Variants in OPCML observed in about 807,000 individuals in gnomAD.
OPCML encodes opioid-binding protein/cell adhesion molecule.
OPCML carries 13 observed loss-of-function variants against 37.8 expected under a neutral mutation model. The observed-to-expected ratio is 0.34, with a 90% CI of 0.22 to 0.55. The LOEUF (loss-of-function observed/expected upper bound fraction) is 0.55, where lower values mean the gene tolerates loss of function less well. Among genes scored for constraint, OPCML ranks in the 20% least tolerant of loss-of-function variants. The probability of loss-of-function intolerance (pLI) is 0.91; values close to 1 mark genes in which losing one functional copy is unlikely to be tolerated. For synonymous variants in OPCML, 176 were observed against 168.8 expected (o/e 1.04, Z -0.33); for missense variants, 341 against 435.6 (o/e 0.78, Z 1.93).
At chr11:133,405,114 C>T (rs1001454176) in intron 1 of OPCML, among the ~76,000 whole-genome samples, 4 of 152,206 alleles carry the variant, frequency 2.6e-5, no homozygotes, top group Admixed American at 6.5e-5. Flanking sequence ...ATTAAGGACG[C>T]TTGCTCAAGC....
chr11:132,455,762 A>AATTCATTCATTCATTCATTC (rs61139767), intron 4 of OPCML, among the ~76,000 whole-genome samples: 3 of 150,434 alleles, frequency 2.0e-5, no homozygotes, highest in East Asian at 2.0e-4. Flanking sequence ...TTCTTTGTCA[A>AATTCATTCATTCATTCATTC]ATTCATTCAT....
intron 3 of OPCML, among the ~76,000 whole-genome samples, chr11:132,558,540 C>T (rs1210979489): frequency 5.0e-5 from 6 of 119,964 alleles, no homozygotes; most frequent in East Asian, 5.4e-4. Flanking sequence ...TCTTCGTCTT[C>T]GTCTTTGTCT....
At chr11:133,530,905 C>T (rs1948592079) in intron 1 of OPCML, among the ~76,000 whole-genome samples, 1 of 152,146 alleles carries the variant, frequency 6.6e-6, no homozygotes, top group African/African-American at 2.4e-5. Context: ...TTATTAAAAA[C>T]AACACTGAAA....
chr11:133,490,997 C>G (rs997165832), intron 1 of OPCML, among the ~76,000 whole-genome samples: 7 of 152,198 alleles, frequency 4.6e-5, no homozygotes, highest in African/African-American at 1.7e-4. Context: ...CTGCTATATC[C>G]CCTGTACCTA....
At chr11:133,161,962 C>T (rs1433545478) in intron 1 of OPCML, among the ~76,000 whole-genome samples, 1 of 138,070 alleles carries the variant, frequency 7.2e-6, no homozygotes, top group African/African-American at 2.7e-5. Flanking sequence ...CAACAAGTAA[C>T]AGGTAAGAGA....
rs147020116 is a variant in OPCML at position 133,334,121 on chromosome 11, A to T, written c.61+198143T>A. The stretch of plus-strand genomic sequence containing the variant: ...GACCTAAAAGCAGAACTACCATTCA[A>T]CCCAGCAATCCCATTACTGGGTATA... On this transcript the variant is annotated intron_variant, in intron 1 of 7. Transcript: ENST00000524381. Among the ~76,000 whole-genome samples the T allele has an allele frequency of 3.7e-3, 571 of 152,340 alleles. 3 individuals carry two copies. The highest frequency in any genetic ancestry group is 0.013 in the African/African-American group (530 of 41,576).
In OPCML at chr11:132,420,117, G is replaced by T. The variant is rs538376581; in HGVS notation, c.*76C>A. On this transcript the variant is annotated 3_prime_UTR_variant, in exon 8 of 8. Coordinates refer to ENST00000524381, the MANE Select transcript of OPCML (RefSeq NM_001012393.5). ...AAAAAACAAAAAGAAGCCCAAGCTG[G>T]TTTGCTCTCCGCAGTGTAGATTAAA... The T allele has an allele frequency of 7.6e-6, 9 of 1,177,596 alleles. No homozygotes were observed. The highest frequency in any genetic ancestry group is 4.7e-5 in the African/African-American group (3 of 63,496). The allele number at this position is 1,177,596 out of a possible 1,614,324, so 72.9% of individuals were successfully genotyped here.
At position 132,943,122 on chromosome 11, in the gene OPCML, G is replaced by C. The variant is rs759663716; in HGVS notation, c.62-112C>G. The C allele has an allele frequency of 6.8e-6, 11 of 1,613,724 alleles. No homozygotes were observed. Among genetic ancestry groups the C allele is most frequent in the African/African-American group, 1.3e-5 (1 of 74,902 alleles). On this transcript the variant is annotated intron_variant, in intron 1 of 7. Coordinates refer to ENST00000524381, the MANE Select transcript of OPCML (RefSeq NM_001012393.5). This position sits in a 1 kb window ranked among gnomAD's most constrained non-coding sequence, Gnocchi z 4.3. The stretch of plus-strand genomic sequence containing the variant: ...GACAGCCACAACTTCCCAGGACTCC[G>C]GCAGCCGCACAGTCCTGGTCCCCCG...
At chr11:132,724,054 G>A (rs1944779824) in intron 2 of OPCML, among the ~76,000 whole-genome samples, 1 of 151,726 alleles carries the variant, frequency 6.6e-6, no homozygotes, top group South Asian at 2.1e-4. Flanking sequence ...GTACATAGAT[G>A]CCTGTCAGAG....
rs1414122459 is a variant in OPCML at position 133,458,205 on chromosome 11, T to C, written c.61+74059A>G. ...GTATATATACACATATATACACGTG[T>C]GTGTATATATACACATATATACACG... On this transcript the variant is annotated intron_variant, in intron 1 of 7. Coordinates refer to ENST00000524381, the MANE Select transcript of OPCML (RefSeq NM_001012393.5). Among the ~76,000 whole-genome samples the C allele has an allele frequency of 2.1e-3, 279 of 130,928 alleles. 7 individuals carry two copies. The highest frequency in any genetic ancestry group is 0.011 in the African/African-American group (260 of 24,520). The allele number at this position is 130,928 out of a possible 152,430, so 85.9% of individuals were successfully genotyped here. A position where few individuals can be genotyped will look rare whatever the true frequency, so the allele number is the denominator to read the frequency against.
chr11:132,669,879 C>T (rs558637289), intron 2 of OPCML, among the ~76,000 whole-genome samples: 4 of 152,278 alleles, frequency 2.6e-5, no homozygotes, highest in African/African-American at 9.6e-5. Context: ...GTATAGCTCT[C>T]ACACCTGCCT....
intron 1 of OPCML, among the ~76,000 whole-genome samples, chr11:133,336,972 A>C (rs748018256): frequency 6.6e-6 from 1 of 152,230 alleles, no homozygotes; most frequent in Non-Finnish European, 1.5e-5. Context: ...CCAATTTTGA[A>C]GGCTGTTAAA....
chr11:132,580,077 T>G (rs2096459214), intron 3 of OPCML, among the ~76,000 whole-genome samples: 1 of 152,164 alleles, frequency 6.6e-6, no homozygotes, highest in Admixed American at 6.5e-5. Context: ...CTTTGCAGCC[T>G]GAGAGAAGGG....
intron 7 of OPCML, among the ~76,000 whole-genome samples, chr11:132,430,824 C>A (rs908453130): frequency 1.3e-5 from 2 of 152,190 alleles, no homozygotes. Flanking sequence ...CAGGCGTTTA[C>A]ATGCCTCATT....
chr11:133,411,202 A>G (rs2136867620), intron 1 of OPCML, among the ~76,000 whole-genome samples: 1 of 152,312 alleles, frequency 6.6e-6, no homozygotes, highest in South Asian at 2.1e-4. Context: ...GGGCATGAAT[A>G]ATGGGTGCCT....
chr11:133,345,201 T>A (rs1443927705), intron 1 of OPCML, among the ~76,000 whole-genome samples: 1 of 151,458 alleles, frequency 6.6e-6, no homozygotes, highest in Non-Finnish European at 1.5e-5. Context: ...AATTCAGGAT[T>A]TCTTGATACA....
Position 133,205,918 on chromosome 11 carries a change from T to G in OPCML, c.62-262908A>C, listed in dbSNP as rs1324359004. Among the ~76,000 whole-genome samples the G allele has an allele frequency of 6.6e-6, 1 of 152,144 alleles. No homozygotes were observed. On this transcript the variant is annotated intron_variant, in intron 1 of 7. Transcript: ENST00000524381. The surrounding 1 kb of genome is among the most constrained non-coding windows in gnomAD (Gnocchi z 4.8). ...AGTGGGGGCCAGGGTTCACAATCTGTCTCCAAATCCCAGACAGCTCTGTAA... is the reference window on the plus strand; with the variant it reads ...AGTGGGGGCCAGGGTTCACAATCTGGCTCCAAATCCCAGACAGCTCTGTAA...
At chr11:132,457,971 C>G (rs913549139) in intron 4 of OPCML, among the ~76,000 whole-genome samples, 1 of 152,158 alleles carries the variant, frequency 6.6e-6, no homozygotes, top group Non-Finnish European at 1.5e-5. Flanking sequence ...AGAGGAGAGC[C>G]AGTCAACAAA....
chr11:133,074,546 C>A (rs1948592147), intron 1 of OPCML, among the ~76,000 whole-genome samples: 1 of 152,050 alleles, frequency 6.6e-6, no homozygotes, highest in African/African-American at 2.4e-5. Flanking sequence ...CTTTCCAGGC[C>A]AGACTTCAGA....
Sources: gnomAD v4.1 joint callset for allele counts (sites outside exome capture counted in the v4.1 genomes callset) on GRCh38, gnomAD v4.1.1 for gene constraint, Gnocchi (gnomAD v3.1) non-coding constraint, MANE v1.5 for transcripts, NCBI Gene and HGNC (gene_info 2026-07-23, HGNC 2026-07-21) for gene names.